AFF3: variants seen among roughly 807,000 people sequenced by gnomAD.
AFF3 encodes AF4/FMR2 family member 3.
In AFF3, 32 loss-of-function variants were observed where a neutral mutation model predicts 129.7. The observed-to-expected ratio is 0.25, with a 90% CI of 0.19 to 0.33. The LOEUF (loss-of-function observed/expected upper bound fraction) is 0.33, where lower values mean the gene tolerates loss of function less well. Ranked by LOEUF, AFF3 falls within the 10% of genes least tolerant of loss-of-function variation. The pLI is 1.00. For synonymous variants in AFF3, 644 were observed against 635.4 expected (o/e 1.01, Z -0.20); for missense variants, 1,373 against 1,592.0 (o/e 0.86, Z 2.34).
At chr2:99,750,622 G>T (rs1339455226) in intron 9 of AFF3, among the ~76,000 whole-genome samples, 1 of 151,872 alleles carries the variant, frequency 6.6e-6, no homozygotes, top group Non-Finnish European at 1.5e-5. Flanking sequence ...TCACTATGTT[G>T]CCCAAGCTGG....
intron 8 of AFF3, among the ~76,000 whole-genome samples, chr2:99,833,533 A>C (rs1688655107): frequency 6.6e-6 from 1 of 152,186 alleles, no homozygotes; most frequent in Non-Finnish European, 1.5e-5. Flanking sequence ...CCAAACCAGA[A>C]TCTCAAACAC....
intron 7 of AFF3, among the ~76,000 whole-genome samples, chr2:99,901,496 T>C (rs1427649814): frequency 3.9e-5 from 6 of 152,186 alleles, no homozygotes; most frequent in Admixed American, 3.9e-4. Context: ...CTCATTATCG[T>C]GATCCCAACC....
At chr2:99,604,390 C>T (rs1194962314) in intron 13 of AFF3, among the ~76,000 whole-genome samples, 2 of 152,102 alleles carry the variant, frequency 1.3e-5, no homozygotes, top group South Asian at 4.1e-4. Context: ...CCAAATGCCA[C>T]GTGTTCTCAC....
intron 1 of AFF3, among the ~76,000 whole-genome samples, chr2:100,133,485 G>A (rs949922476): frequency 6.6e-6 from 1 of 151,968 alleles, no homozygotes; most frequent in Non-Finnish European, 1.5e-5. Flanking sequence ...TCAGGCTGGA[G>A]TGCAGTGGCC....
At position 100,061,704 on chromosome 2, in the gene AFF3, T is replaced by C. The variant is rs191218771; in HGVS notation, c.53+42698A>G. Among the ~76,000 whole-genome samples, 490 of 152,246 alleles carry C rather than the reference T, an allele frequency of 3.2e-3. 4 individuals are homozygous for C. Among genetic ancestry groups the C allele is most frequent in the African/African-American group, 0.011 (449 of 41,554 alleles). On this transcript the variant is annotated intron_variant, in intron 4 of 24. Coordinates refer to ENST00000672756, the MANE Select transcript of AFF3 (RefSeq NM_001386135.1). The stretch of plus-strand genomic sequence containing the variant: ...CTCCAAAGGAGCTTTTCAAAGTTAA[T>C]GTGTCATAACTAGATTCATGATTTT...
chr2:99,561,366 T>C (rs1227333459), intron 20 of AFF3, among the ~76,000 whole-genome samples: 2 of 152,244 alleles, frequency 1.3e-5, no homozygotes, highest in African/African-American at 2.4e-5. Context: ...TTTTCAGTGT[T>C]ATCTCTTTGC....
At chr2:100,061,312 C>T (rs935580288) in intron 4 of AFF3, among the ~76,000 whole-genome samples, 36 of 152,030 alleles carry the variant, frequency 2.4e-4, no homozygotes, top group African/African-American at 8.0e-4. Flanking sequence ...ATGGTTAATC[C>T]GTATGGCATT....
At chr2:99,991,606 C>G (rs11883471) in intron 7 of AFF3, among the ~76,000 whole-genome samples, 1 of 151,960 alleles carries the variant, frequency 6.6e-6, no homozygotes, top group South Asian at 2.1e-4. Flanking sequence ...ACCTTCAGAA[C>G]CTTATCACAA....
At chr2:99,817,481 G>C (rs1031557244) in intron 8 of AFF3, among the ~76,000 whole-genome samples, 6 of 152,060 alleles carry the variant, frequency 3.9e-5, no homozygotes, top group Non-Finnish European at 1.5e-5. Flanking sequence ...TTTTTTTCCT[G>C]TTCTAAGAGG....
intron 9 of AFF3, among the ~76,000 whole-genome samples, chr2:99,747,054 G>A (rs1000201761): frequency 6.6e-6 from 1 of 152,028 alleles, no homozygotes; most frequent in African/African-American, 2.4e-5. Flanking sequence ...TAGAGATGGA[G>A]TTTTGCTCTT....
chr2:99,611,470 G>GGGA (rs1193693996), intron 13 of AFF3, among the ~76,000 whole-genome samples: 1 of 152,158 alleles, frequency 6.6e-6, no homozygotes, highest in Non-Finnish European at 1.5e-5. Flanking sequence ...GGCAGGGGAA[G>GGGA]GGAGGGTTGT....
chr2:99,993,200 T>C (rs1361600924), intron 7 of AFF3, among the ~76,000 whole-genome samples: 1 of 152,252 alleles, frequency 6.6e-6, no homozygotes, highest in East Asian at 1.9e-4. Flanking sequence ...ATTTGGAATC[T>C]ATCCCATGAA....
At chr2:99,858,382 CAAAAAA>C (rs34454669) in intron 7 of AFF3, among the ~76,000 whole-genome samples, 1 of 82,428 alleles carries the variant, frequency 1.2e-5, no homozygotes, top group African/African-American at 4.1e-5. Flanking sequence ...CCTGTTTCTA[CAAAAAA>C]AAAAAAAAAA....
chr2:99,983,530 G>C (rs1422823965), intron 7 of AFF3, among the ~76,000 whole-genome samples: 1 of 152,230 alleles, frequency 6.6e-6, no homozygotes, highest in Non-Finnish European at 1.5e-5. Flanking sequence ...TAACCAGGCA[G>C]CGACTTGACC....
chr2:100,001,415 TTC>T (rs1480005483), intron 7 of AFF3, among the ~76,000 whole-genome samples: 1 of 152,208 alleles, frequency 6.6e-6, no homozygotes, highest in Non-Finnish European at 1.5e-5. Context: ...TTACCTTTTT[TTC>T]TGTTTTGTTT....
At chr2:100,018,020 G>GTA in intron 4 of AFF3, among the ~76,000 whole-genome samples, 1 of 118,754 alleles carries the variant, frequency 8.4e-6, no homozygotes, top group African/African-American at 3.3e-5. Context: ...ATATGTGTGT[G>GTA]TGTGTGTGTG....
At chr2:100,130,847 GAGGGCACCTGCTAGGCC>G (rs1692401010) in intron 1 of AFF3, among the ~76,000 whole-genome samples, 1 of 152,070 alleles carries the variant, frequency 6.6e-6, no homozygotes, top group South Asian at 2.1e-4. Context: ...TGAGATGACA[GAGGGCACCTGCTAGGCC>G]AGAAGGTTAA....
Position 100,017,933 on chromosome 2 carries a change from T to C in AFF3, c.54-9001A>G, listed in dbSNP as rs1477727491. 2.6e-5 allele frequency among the ~76,000 whole-genome samples: 4 copies of C among 152,136 alleles called. No individual in the cohort carries two copies. The East Asian group carries it at 7.7e-4, about 29-fold the overall frequency. ...ACCTTCATCCTTTGTTAGTAAATGCTAGGCAAAAGGGTATTAATTTACAGA... is the reference window on the plus strand; with the variant it reads ...ACCTTCATCCTTTGTTAGTAAATGCCAGGCAAAAGGGTATTAATTTACAGA... On this transcript the variant is annotated intron_variant, in intron 4 of 24. Coordinates refer to ENST00000672756, the MANE Select transcript of AFF3 (RefSeq NM_001386135.1).
chr2:99,605,296 T>C (rs1471972964), intron 13 of AFF3, among the ~76,000 whole-genome samples: 1 of 152,196 alleles, frequency 6.6e-6, no homozygotes, highest in Non-Finnish European at 1.5e-5. Flanking sequence ...ATACTTTACT[T>C]GTAAGGGTTG....
Sources: gnomAD v4.1 joint callset for allele counts (sites outside exome capture counted in the v4.1 genomes callset) on GRCh38, gnomAD v4.1.1 for gene constraint, MANE v1.5 for transcripts, NCBI Gene and HGNC (gene_info 2026-07-23, HGNC 2026-07-21) for gene names.